The following LCORL variants were observed in gnomAD, a reference collection of about 807,000 sequenced individuals.
LCORL encodes ligand-dependent nuclear receptor corepressor-like protein.
LCORL carries 41 observed loss-of-function variants against 141.8 expected under a neutral mutation model. That is an observed-to-expected ratio of 0.29 (90% CI 0.23 to 0.38). The LOEUF is 0.38. Among genes scored for constraint, LCORL ranks in the 10% least tolerant of loss-of-function variants. The pLI, the probability that LCORL is intolerant of heterozygous loss-of-function variation, is 1.00. For missense variants in LCORL, 1,759 were observed against 2,035.0 expected (o/e 0.86, Z 2.61); for synonymous variants, 618 against 694.1 (o/e 0.89, Z 1.72).
Position 18,021,532 on chromosome 4 carries a change from A to C in LCORL, c.154+66T>G. 7.1e-7 allele frequency: 1 copy of C among 1,413,586 alleles called. No individual in the cohort carries two copies. The highest frequency in any genetic ancestry group is 1.3e-5 in the South Asian group (1 of 75,148). 87.6% of individuals were successfully genotyped at this position (1,413,586 alleles called of 1,614,324 possible). ...AGATTCAACTAAACCCCTCAGCCAC[A>C]AACTCCTCGGGCTGCGACAGCGGTC... On this transcript the variant is annotated intron_variant, in intron 1 of 7. Coordinates refer to ENST00000635767, the Ensembl canonical transcript of LCORL. The surrounding 1 kb of genome is among the most constrained non-coding windows in gnomAD (Gnocchi z 5.5).
chr4:18,000,715 T>C (rs143732340), intron 1 of LCORL, among the ~76,000 whole-genome samples: 52 of 152,208 alleles, frequency 3.4e-4, no homozygotes, highest in African/African-American at 1.2e-3. Context: ...CAGGAACAAA[T>C]AGTCTACTGT....
intron 6 of LCORL, chr4:17,880,635 T>C: frequency 1.0e-6 from 1 of 983,548 alleles, no homozygotes; most frequent in Non-Finnish European, 1.2e-6. Context: ...TTTTACTGAA[T>C]GAGTAAATCA....
intron 4 of LCORL, among the ~76,000 whole-genome samples, chr4:17,928,126 G>C (rs1226828905): frequency 1.3e-5 from 2 of 152,188 alleles, no homozygotes; most frequent in Non-Finnish European, 2.9e-5. Context: ...GTCCACCCTG[G>C]CTGGGCATAG....
At chr4:17,856,774 C>T (rs1265228533) in intron 7 of LCORL, among the ~76,000 whole-genome samples, 12 of 152,136 alleles carry the variant, frequency 7.9e-5, no homozygotes, top group Non-Finnish European at 1.2e-4. Flanking sequence ...CAGTTTCAGT[C>T]ATCAATGATA....
chr4:17,886,805 C>A (rs1366392420), intron 5 of LCORL, among the ~76,000 whole-genome samples: 1 of 151,872 alleles, frequency 6.6e-6, no homozygotes, highest in East Asian at 1.9e-4. Context: ...AAAATAACTG[C>A]CTACGCATGT....
chr4:17,898,022 T>C (rs920769981), intron 5 of LCORL, among the ~76,000 whole-genome samples: 1 of 152,182 alleles, frequency 6.6e-6, no homozygotes, highest in Non-Finnish European at 1.5e-5. Flanking sequence ...AATCCACATG[T>C]AATATAAGGT....
intron 4 of LCORL, among the ~76,000 whole-genome samples, chr4:17,951,950 G>A (rs1401667046): frequency 5.3e-5 from 8 of 152,134 alleles, no homozygotes; most frequent in Non-Finnish European, 8.8e-5. Flanking sequence ...GAACACACAG[G>A]TGATGATACA....
At chr4:17,906,489 G>C (rs1251351657) in intron 5 of LCORL, among the ~76,000 whole-genome samples, 2 of 145,494 alleles carry the variant, frequency 1.4e-5, no homozygotes, top group Non-Finnish European at 2.9e-5. Flanking sequence ...AAATTATCAA[G>C]AAGACTAGTT....
At chr4:17,867,264 T>G (rs1577283404) in intron 7 of LCORL, among the ~76,000 whole-genome samples, 1 of 152,142 alleles carries the variant, frequency 6.6e-6, no homozygotes, top group African/African-American at 2.4e-5. Context: ...AGCCAACAAC[T>G]TATTTTTTAT....
intron 4 of LCORL, among the ~76,000 whole-genome samples, chr4:17,925,890 A>G (rs1265658540): frequency 1.4e-4 from 7 of 51,146 alleles, no homozygotes; most frequent in African/African-American, 2.6e-4. Context: ...AAAAAAAAAA[A>G]AAAAAAAAAA....
At chr4:17,872,657 G>T (rs1726487172) in intron 7 of LCORL, among the ~76,000 whole-genome samples, 1 of 152,024 alleles carries the variant, frequency 6.6e-6, no homozygotes. Context: ...TTTTGAATTT[G>T]GCATTACCTT....
intron 4 of LCORL, among the ~76,000 whole-genome samples, chr4:17,914,132 A>G (rs1733005175): frequency 6.6e-6 from 1 of 152,258 alleles, no homozygotes; most frequent in Admixed American, 6.5e-5. Flanking sequence ...AACAAGAAAT[A>G]TCCATGTTGC....
chr4:17,846,031 G>GA, intron 7 of LCORL, 130 bp from the exon 8 acceptor site: 2 of 690,862 alleles, frequency 2.9e-6, no homozygotes, highest in Non-Finnish European at 4.9e-6. Flanking sequence ...CATTTATCCT[G>GA]AAAATACAAC....
chr4:17,854,742 C>A (rs1577250095), intron 7 of LCORL, among the ~76,000 whole-genome samples: 1 of 151,982 alleles, frequency 6.6e-6, no homozygotes, highest in East Asian at 1.9e-4. Context: ...TGGTAGGATA[C>A]TGATGAATTT....
At chr4:18,012,612 AT>A (rs1280527925) in intron 1 of LCORL, among the ~76,000 whole-genome samples, 2 of 152,202 alleles carry the variant, frequency 1.3e-5, no homozygotes, top group Non-Finnish European at 2.9e-5. Context: ...TTCTTTTAAA[AT>A]GTGTAATGCA....
chr4:17,851,430 ACT>A (rs1723696238), intron 7 of LCORL, among the ~76,000 whole-genome samples: 1 of 151,548 alleles, frequency 6.6e-6, no homozygotes, highest in Non-Finnish European at 1.5e-5. Context: ...CTGTGTTTCA[ACT>A]CTCTCCTTGT....
At chr4:17,967,592 T>C (rs955422556) in intron 2 of LCORL, among the ~76,000 whole-genome samples, 1 of 152,190 alleles carries the variant, frequency 6.6e-6, no homozygotes, top group Non-Finnish European at 1.5e-5. Flanking sequence ...ACCTTTATAC[T>C]TATTTACCAC....
intron 4 of LCORL, among the ~76,000 whole-genome samples, chr4:17,918,323 T>G (rs547738418): frequency 6.6e-6 from 1 of 152,062 alleles, no homozygotes; most frequent in South Asian, 2.1e-4. Flanking sequence ...TGCAAAGACA[T>G]AAAAACGTAC....
At chr4:17,931,725 A>G (rs1325727907) in intron 4 of LCORL, among the ~76,000 whole-genome samples, 1 of 152,114 alleles carries the variant, frequency 6.6e-6, no homozygotes, top group African/African-American at 2.4e-5. Flanking sequence ...GACTTAATAT[A>G]TAAAAATTTT....
Sources: gnomAD v4.1 joint callset for allele counts (sites outside exome capture counted in the v4.1 genomes callset) on GRCh38, gnomAD v4.1.1 for gene constraint, Gnocchi (gnomAD v3.1) non-coding constraint, MANE v1.5 for transcripts, NCBI Gene and HGNC (gene_info 2026-07-23, HGNC 2026-07-21) for gene names.